PTPN14: variants seen among roughly 807,000 people sequenced by gnomAD.
The protein encoded by PTPN14 is tyrosine-protein phosphatase non-receptor type 14.
A neutral mutation model predicts 126.8 loss-of-function variants in PTPN14; 53 were observed. The observed-to-expected ratio is 0.42, with a 90% CI of 0.34 to 0.53. The LOEUF (loss-of-function observed/expected upper bound fraction) is 0.53. Among genes scored for constraint, PTPN14 ranks in the 20% least tolerant of loss-of-function variants. The pLI, the probability that PTPN14 is intolerant of heterozygous loss-of-function variation, is 0.08. For synonymous variants in PTPN14, 630 were observed against 599.3 expected (o/e 1.05, Z -0.75); for missense variants, 1,257 against 1,552.9 (o/e 0.81, Z 3.20).
At chr1:214,398,482 T>C (rs529330413) in intron 7 of PTPN14, among the ~76,000 whole-genome samples, 1 of 152,330 alleles carries the variant, frequency 6.6e-6, no homozygotes, top group South Asian at 2.1e-4. Flanking sequence ...AAGGTCTCAC[T>C]GTTGCCCAGG....
chr1:214,384,129 C>T lies in PTPN14; in HGVS notation c.1726G>A (p.Ala576Thr), dbSNP rs772641873. ...PPPPYPRPRP[A>T]TSTPDLASHR... ...CTGGCCAGGTCTGGGGTGCTGGTGG[C>T]AGGTCGTGGCCGTGGGTAGGGGGGC... Residue 576 changes from alanine (A) to threonine (T), a missense_variant, in exon 13 of 19, where the codon GCC becomes ACC. Physicochemically the swap from Ala to Thr is moderately conservative, Grantham distance 58. Transcript: ENST00000366956. This position sits in a 1 kb window ranked among gnomAD's most constrained non-coding sequence, Gnocchi z 5.3. 2 of 1,573,342 alleles carry T rather than the reference C, an allele frequency of 1.3e-6. No individual in the cohort carries two copies. Among genetic ancestry groups the T allele is most frequent in the Non-Finnish European group, 8.6e-7 (1 of 1,162,478 alleles).
intron 1 of PTPN14, among the ~76,000 whole-genome samples, chr1:214,474,488 G>A (rs1660827197): frequency 6.6e-6 from 1 of 152,194 alleles, no homozygotes; most frequent in South Asian, 2.1e-4. Context: ...CAACAAGGGA[G>A]GTGACACGTA....
intron 1 of PTPN14, among the ~76,000 whole-genome samples, chr1:214,493,616 G>A (rs181084083): frequency 2.4e-4 from 36 of 152,256 alleles, no homozygotes; most frequent in Admixed American, 7.2e-4. Flanking sequence ...GAGAGATGGC[G>A]AGAGAGCAAA....
At position 214,464,846 on chromosome 1, in the gene PTPN14, A is replaced by G; in HGVS notation, c.-43T>C. On this transcript the variant is annotated 5_prime_UTR_variant, in exon 2 of 19. Transcript: ENST00000366956. ...ACGCCGCCCGCCTATCCTGGCGCAC[A>G]CGCCCCTGAGATGGCCTTAGCAGTT... is the stretch of plus-strand genomic sequence containing the variant. The G allele has an allele frequency of 6.2e-7, 1 of 1,606,628 alleles. No individual in the cohort carries two copies. Among genetic ancestry groups the G allele is most frequent in the Non-Finnish European group, 8.5e-7 (1 of 1,174,394 alleles).
chr1:214,499,696 G>A (rs190078143), intron 1 of PTPN14, among the ~76,000 whole-genome samples: 168 of 152,158 alleles, frequency 1.1e-3, no homozygotes, highest in African/African-American at 3.4e-3. Flanking sequence ...CAGAGTTCAC[G>A]TAACTGCAGT....
chr1:214,470,051 C>T lies in PTPN14; in HGVS notation c.-154-5094G>A, dbSNP rs558013278. Among the ~76,000 whole-genome samples the T allele has an allele frequency of 2.0e-5, 3 of 152,162 alleles. No homozygotes were observed. In the South Asian group the frequency reaches 6.2e-4, roughly 32 times the overall value. ...AAAGAAACTATACATATCTGGGAGG[C>T]CAAAGTGGGAGGGTCACTTGAGTCC... On this transcript the variant is annotated intron_variant, in intron 1 of 18. Transcript: ENST00000366956.
chr1:214,532,984 T>C (rs979414728), intron 1 of PTPN14: 9 of 765,242 alleles, frequency 1.2e-5, no homozygotes, highest in African/African-American at 5.1e-5. Context: ...GCTGGACAAG[T>C]GCTGGTCTGA....
chr1:214,550,075 G>A (rs1258516412), intron 1 of PTPN14, among the ~76,000 whole-genome samples: 2 of 152,158 alleles, frequency 1.3e-5, no homozygotes, highest in African/African-American at 4.8e-5. Context: ...CCCTTCACCA[G>A]GACCAAGCTC....
At chr1:214,521,904 T>C (rs1655267934) in intron 1 of PTPN14, among the ~76,000 whole-genome samples, 1 of 151,746 alleles carries the variant, frequency 6.6e-6, no homozygotes, top group African/African-American at 2.4e-5. Context: ...TTTTTTTTTT[T>C]ACTTAATCTT....
At chr1:214,474,439 T>A (rs1660826295) in intron 1 of PTPN14, among the ~76,000 whole-genome samples, 1 of 152,142 alleles carries the variant, frequency 6.6e-6, no homozygotes, top group South Asian at 2.1e-4. Flanking sequence ...CAAGGGGCTG[T>A]CATTACAGAC....
intron 1 of PTPN14, among the ~76,000 whole-genome samples, chr1:214,502,058 CAAAAAA>C (rs60034306): frequency 2.8e-5 from 2 of 70,994 alleles, no homozygotes; most frequent in Admixed American, 1.7e-4. Flanking sequence ...GGCTCTGTCT[CAAAAAA>C]AAAAAAAAAA....
At position 214,486,140 on chromosome 1, in the gene PTPN14, TATC is replaced by T. The variant is rs573400170; in HGVS notation, c.-154-21186_-154-21184del. Among the ~76,000 whole-genome samples, 443 of 152,232 alleles carry T rather than the reference TATC, an allele frequency of 2.9e-3. 2 individuals are homozygous for T. The highest frequency in any genetic ancestry group is 0.01 in the African/African-American group (423 of 41,518). ...GGTAGAGGGAGGGGTGTTAATAAGT[TATC>T]ATCAATAAATGTTCATGTCCCAAAA... is the stretch of plus-strand genomic sequence containing the variant. On this transcript the variant is annotated intron_variant, in intron 1 of 18. Transcript: ENST00000366956.
chr1:214,506,395 TA>T (rs1654845272), intron 1 of PTPN14, among the ~76,000 whole-genome samples: 1 of 151,802 alleles, frequency 6.6e-6, no homozygotes, highest in South Asian at 2.1e-4. Flanking sequence ...CATGTGCCTA[TA>T]ATTCCAGCTA....
intron 1 of PTPN14, among the ~76,000 whole-genome samples, chr1:214,473,772 C>T (rs1237616220): frequency 2.6e-5 from 4 of 152,162 alleles, no homozygotes; most frequent in African/African-American, 4.8e-5. Flanking sequence ...AATGTCTACT[C>T]TTATTTTCCT....
rs1656115177 is a variant in PTPN14, at chr1:214,551,559, G to A, written c.-531C>T. 6.6e-6 allele frequency: 1 copy of A among 152,326 alleles called. No homozygotes were observed. Among genetic ancestry groups the A allele is most frequent in the Non-Finnish European group, 1.5e-5 (1 of 68,174 alleles). The allele number at this position is 152,326 out of a possible 1,614,324, so 9.4% of individuals were successfully genotyped here. ...GAGAAGCACAGCAACCTGCCCCCGA[G>A]TCTGCGCCCGCTGCGCTCACTCCGC... On this transcript the variant is annotated 5_prime_UTR_variant, in exon 1 of 19. Transcript: ENST00000366956.
chr1:214,506,909 G>GTTT lies in PTPN14; in HGVS notation c.-154-41955_-154-41953dup, dbSNP rs367623988. 3.7e-3 allele frequency among the ~76,000 whole-genome samples: 503 copies of GTTT among 136,800 alleles called. 1 individual carries two copies. Among genetic ancestry groups the GTTT allele is most frequent in the Admixed American group, 7.8e-3 (111 of 14,248 alleles). 89.7% of individuals were successfully genotyped at this position (136,800 alleles called of 152,430 possible). On this transcript the variant is annotated intron_variant, in intron 1 of 18. Transcript: ENST00000366956. ...CTAACATCTGCTAACAAGAGCGCGG[G>GTTT]TTTTTTTTTTTTTCCATGTTTTGTA...
intron 3 of PTPN14, among the ~76,000 whole-genome samples, chr1:214,450,332 C>T (rs141523286): frequency 3.3e-5 from 5 of 151,348 alleles, no homozygotes; most frequent in African/African-American, 7.3e-5. Flanking sequence ...ATTAGCCAGC[C>T]GTGGTGGCAG....
chr1:214,391,951 G>A (rs1658762981), intron 10 of PTPN14, among the ~76,000 whole-genome samples: 1 of 152,124 alleles, frequency 6.6e-6, no homozygotes, highest in South Asian at 2.1e-4. Context: ...AGAAATTGAG[G>A]AGCCACTCAA....
intron 3 of PTPN14, among the ~76,000 whole-genome samples, chr1:214,434,944 G>T (rs748463808): frequency 6.6e-6 from 1 of 152,102 alleles, no homozygotes; most frequent in African/African-American, 2.4e-5. Context: ...GATTTGTAAC[G>T]CCCTTATCCT....
Sources: allele counts gnomAD v4.1 joint callset (sites outside exome capture counted in the v4.1 genomes callset), GRCh38; gene constraint gnomAD v4.1.1; non-coding constraint Gnocchi (gnomAD v3.1); transcripts MANE v1.5; gene names NCBI Gene and HGNC (gene_info 2026-07-23, HGNC 2026-07-21).